The following GRIK3 variants were observed in gnomAD, a reference collection of about 807,000 sequenced individuals.
GRIK3 encodes glutamate ionotropic receptor kainate type subunit 3.
A neutral mutation model predicts 102.5 loss-of-function variants in GRIK3; 29 were observed. That is an observed-to-expected ratio of 0.28 (90% CI 0.21 to 0.39). The LOEUF is 0.39. Ranked by LOEUF, GRIK3 falls within the 10% of genes least tolerant of loss-of-function variation. GRIK3 has a pLI of 1.00. For missense variants in GRIK3, 908 were observed against 1,252.4 expected (o/e 0.73, Z 4.15); for synonymous variants, 511 against 504.9 (o/e 1.01, Z -0.16).
intron 10 of GRIK3, among the ~76,000 whole-genome samples, chr1:36,837,784 C>T (rs1234570698): frequency 6.6e-6 from 1 of 152,222 alleles, no homozygotes; most frequent in Non-Finnish European, 1.5e-5. Flanking sequence ...CCCAAGTGGG[C>T]TCCTGGGCAC....
At chr1:36,999,759 T>C (rs1372331351) in intron 1 of GRIK3, among the ~76,000 whole-genome samples, 1 of 152,164 alleles carries the variant, frequency 6.6e-6, no homozygotes, top group Non-Finnish European at 1.5e-5. Context: ...GCTTAAACAG[T>C]CTTCTCAATG....
At chr1:37,024,479 T>TATTATTA (rs57705077) in intron 1 of GRIK3, among the ~76,000 whole-genome samples, 3 of 149,206 alleles carry the variant, frequency 2.0e-5, no homozygotes, top group African/African-American at 2.5e-5. Flanking sequence ...TTATTATTAT[T>TATTATTA]TTGAGATATT....
chr1:36,834,128 A>G (rs574931905), intron 10 of GRIK3, among the ~76,000 whole-genome samples: 32 of 152,326 alleles, frequency 2.1e-4, no homozygotes, highest in African/African-American at 7.5e-4. Context: ...TTCCACTAGA[A>G]TGTAGGATCT....
chr1:37,030,418 G>A (rs934208388), intron 1 of GRIK3, among the ~76,000 whole-genome samples: 12 of 152,116 alleles, frequency 7.9e-5, no homozygotes, highest in Admixed American at 3.3e-4. Flanking sequence ...CCCAGGGATC[G>A]GCTGCTGTTG....
At position 37,034,393 on chromosome 1, in the gene GRIK3, C is replaced by G. The variant is rs929472166; in HGVS notation, c.-285G>C. On this transcript the variant is annotated 5_prime_UTR_variant, in exon 1 of 16. Coordinates refer to ENST00000373091, the MANE Select transcript of GRIK3 (RefSeq NM_000831.4). ...CGGACTCGGCTCCGGCTCCGACTCG[C>G]GTCGGCTCGGCTCCCGCGCGGGCTC... Among the ~76,000 whole-genome samples the G allele has an allele frequency of 4.2e-4, 64 of 151,198 alleles. No homozygotes were observed. Among genetic ancestry groups the G allele is most frequent in the Admixed American group, 6.6e-4 (10 of 15,228 alleles).
At chr1:36,949,873 C>T (rs1034053679) in intron 1 of GRIK3, among the ~76,000 whole-genome samples, 1 of 152,152 alleles carries the variant, frequency 6.6e-6, no homozygotes, top group Non-Finnish European at 1.5e-5. Flanking sequence ...GCCACCACGC[C>T]TGGCCCTAAT....
intron 1 of GRIK3, among the ~76,000 whole-genome samples, chr1:36,950,295 T>G (rs1352161669): frequency 6.6e-6 from 1 of 152,222 alleles, no homozygotes; most frequent in Non-Finnish European, 1.5e-5. Context: ...GCTCACAAAA[T>G]GCATGTCCAT....
chr1:36,867,975 ACT>A lies in GRIK3; in HGVS notation c.786+1771_786+1772del, dbSNP rs1640803833. Among the ~76,000 whole-genome samples the A allele has an allele frequency of 5.3e-5, 8 of 152,076 alleles. No homozygotes were observed. The South Asian group carries it at 1.5e-3, about 28-fold the overall frequency. Reference sequence around the variant, plus strand: ...AGCCTGGCTGACCTTCCAGGACAAGACTCTGGGGAAGGCACCACCCCAGTGAC... The same window carrying A: ...AGCCTGGCTGACCTTCCAGGACAAGACTGGGGAAGGCACCACCCCAGTGAC... On this transcript the variant is annotated intron_variant, in intron 5 of 15. Transcript: ENST00000373091.
rs1642499797 is a variant in GRIK3 at position 36,806,139 on chromosome 1, A to G, written c.2279T>C (p.Ile760Thr). The G allele has an allele frequency of 1.9e-6, 3 of 1,614,038 alleles. No individual in the cohort carries two copies. Among genetic ancestry groups the G allele is most frequent in the Non-Finnish European group, 2.5e-6 (3 of 1,179,986 alleles). Reference sequence around the variant, plus strand: ...GCCGATGCCGTAGCCCTTGGAGTCAATGAGGCCCCCGATCTGGGTGAGGTT... The same window carrying G: ...GCCGATGCCGTAGCCCTTGGAGTCAGTGAGGCCCCCGATCTGGGTGAGGTT... ...NCNLTQIGGLIDSKGYGIGTP... is the reference protein window; with the variant it reads ...NCNLTQIGGLTDSKGYGIGTP... Residue 760 changes from isoleucine (I) to threonine (T), a missense_variant, in exon 14 of 16, where the codon ATT (isoleucine) becomes ACT (threonine). Physicochemically the swap from Ile to Thr is moderately conservative, Grantham distance 89. Transcript: ENST00000373091. The surrounding 1 kb of genome is among the most constrained non-coding windows in gnomAD (Gnocchi z 4.0).
intron 10 of GRIK3, among the ~76,000 whole-genome samples, chr1:36,836,645 C>T (rs1640382579): frequency 6.6e-6 from 1 of 152,218 alleles, no homozygotes; most frequent in Admixed American, 6.5e-5. Flanking sequence ...CATTGTGTTC[C>T]ATACTTCATC....
At chr1:36,858,031 G>A (rs543918061) in intron 7 of GRIK3, among the ~76,000 whole-genome samples, 6 of 152,268 alleles carry the variant, frequency 3.9e-5, no homozygotes, top group African/African-American at 1.2e-4. Context: ...TTTCCGGCCC[G>A]CTGTGATTGT....
intron 1 of GRIK3, among the ~76,000 whole-genome samples, chr1:36,996,156 C>T (rs1488722720): frequency 6.6e-6 from 1 of 152,210 alleles, no homozygotes; most frequent in Non-Finnish European, 1.5e-5. Context: ...TGTCCAAGGC[C>T]CTGCTTCCAG....
Position 36,819,609 on chromosome 1 carries a change from C to G in GRIK3, c.1873+127G>C, listed in dbSNP as rs1385996281. The G allele has an allele frequency of 1.5e-6, 1 of 647,486 alleles. No individual in the cohort carries two copies. Among genetic ancestry groups the G allele is most frequent in the Non-Finnish European group, 2.8e-6 (1 of 351,772 alleles). The allele number at this position is 647,486 out of a possible 1,614,324, so 40.1% of individuals were successfully genotyped here. A position where few individuals can be genotyped will look rare whatever the true frequency, so the allele number is the denominator to read the frequency against. ...TGGGTATCTCGATGTCTCCAAACTT[C>G]TGCCGGCTCATCAGGGTCTGAGGCT... is the stretch of plus-strand genomic sequence containing the variant. On this transcript the variant is annotated intron_variant, in intron 12 of 15. Transcript: ENST00000373091. This position sits in a 1 kb window ranked among gnomAD's most constrained non-coding sequence, Gnocchi z 4.1.
At chr1:36,885,883 G>T (rs564496126) in intron 2 of GRIK3, among the ~76,000 whole-genome samples, 3 of 152,316 alleles carry the variant, frequency 2.0e-5, no homozygotes, top group South Asian at 4.1e-4. Context: ...CACAGTCATT[G>T]CAGGAGTCCA....
At chr1:36,974,924 T>C (rs72923857) in intron 1 of GRIK3, among the ~76,000 whole-genome samples, 3,342 of 152,258 alleles carry the variant, frequency 0.022, 106 homozygotes, top group African/African-American at 0.075. Flanking sequence ...TTATTCCACC[T>C]ATATGAGGTA....
chr1:36,977,530 G>A (rs984468903), intron 1 of GRIK3, among the ~76,000 whole-genome samples: 1 of 152,172 alleles, frequency 6.6e-6, no homozygotes, highest in African/African-American at 2.4e-5. Context: ...TGCAGAGCTG[G>A]ATATGCAAAA....
chr1:36,880,015 G>C lies in GRIK3; in HGVS notation c.550+619C>G, dbSNP rs1354013837. Among the ~76,000 whole-genome samples the C allele has an allele frequency of 6.6e-6, 1 of 152,114 alleles. No individual in the cohort carries two copies. Among genetic ancestry groups the C allele is most frequent in the East Asian group, 1.9e-4 (1 of 5,194 alleles). On this transcript the variant is annotated intron_variant, in intron 3 of 15. Transcript: ENST00000373091. This position sits in a 1 kb window ranked among gnomAD's most constrained non-coding sequence, Gnocchi z 5.4. ...GTAGAGAAGAGTGTGTGTGTGGCGG[G>C]TGAAGGTGTGAGGAGGATGAGAAGA...
At chr1:36,848,266 C>A (rs1640542151) in intron 9 of GRIK3, among the ~76,000 whole-genome samples, 1 of 152,178 alleles carries the variant, frequency 6.6e-6, no homozygotes, top group African/African-American at 2.4e-5. Context: ...CTTTAGCTTG[C>A]CTCTTACTGT....
chr1:36,984,623 G>A (rs1230556981), intron 1 of GRIK3, among the ~76,000 whole-genome samples: 1 of 152,240 alleles, frequency 6.6e-6, no homozygotes, highest in Non-Finnish European at 1.5e-5. Flanking sequence ...GAGGAGTGGG[G>A]CATGGATGGA....
Sources: allele counts gnomAD v4.1 joint callset (sites outside exome capture counted in the v4.1 genomes callset), GRCh38; gene constraint gnomAD v4.1.1; non-coding constraint Gnocchi (gnomAD v3.1); transcripts MANE v1.5; gene names NCBI Gene and HGNC (gene_info 2026-07-23, HGNC 2026-07-21).